Variants in RAB38 observed in about 807,000 individuals in gnomAD.
RAB38 encodes the protein ras-related protein Rab-38.
In RAB38, 15 loss-of-function variants were observed where a neutral mutation model predicts 18.4. The observed-to-expected ratio is 0.82, with a 90% CI of 0.55 to 1.26. RAB38 has a LOEUF of 1.26. Ranked by LOEUF, RAB38 falls within the 50% of genes most tolerant of loss-of-function variation. The pLI, the probability that RAB38 is intolerant of heterozygous loss-of-function variation, is 0.00. For synonymous variants in RAB38, 101 were observed against 104.4 expected (o/e 0.97, Z 0.20); for missense variants, 294 against 267.4 (o/e 1.10, Z -0.69).
the RAB38 span, among the ~76,000 whole-genome samples, chr11:88,027,595 T>C: frequency 6.6e-6 from 1 of 152,222 alleles, no homozygotes; most frequent in Non-Finnish European, 1.5e-5. Context: ...GGGAGGGTCC[T>C]ACGCCCATGG....
the RAB38 span, among the ~76,000 whole-genome samples, chr11:87,863,593 A>G: frequency 1.3e-5 from 2 of 151,784 alleles, no homozygotes; most frequent in Non-Finnish European, 2.9e-5. Flanking sequence ...GATAGTGTAA[A>G]TAAGACAGTG....
chr11:87,904,763 A>G, the RAB38 span, among the ~76,000 whole-genome samples: 58 of 151,766 alleles, frequency 3.8e-4, 1 homozygote, highest in Admixed American at 3.8e-3. Flanking sequence ...TGACTTTTTA[A>G]TAACAGCCAT....
chr11:88,014,003 T>C, the RAB38 span, among the ~76,000 whole-genome samples: 2 of 152,086 alleles, frequency 1.3e-5, no homozygotes, highest in Non-Finnish European at 2.9e-5. Flanking sequence ...ACCGTAGCAG[T>C]AGCTATTATT....
chr11:87,853,135 G>T, the RAB38 span, among the ~76,000 whole-genome samples: 5 of 152,156 alleles, frequency 3.3e-5, no homozygotes, highest in African/African-American at 4.8e-5. Context: ...GGTCAGCGAC[G>T]TCTGGAAAGG....
At chr11:87,876,457 T>C in the RAB38 span, among the ~76,000 whole-genome samples, 47 of 151,712 alleles carry the variant, frequency 3.1e-4, no homozygotes, top group Admixed American at 7.2e-4. Flanking sequence ...TCTAGTTCTG[T>C]CTTGGCTTCT....
At chr11:87,893,299 T>G in the RAB38 span, among the ~76,000 whole-genome samples, 1 of 144,700 alleles carries the variant, frequency 6.9e-6, no homozygotes, top group Non-Finnish European at 1.5e-5. Flanking sequence ...TGTGTGTGTG[T>G]GTGTATATAT....
the RAB38 span, among the ~76,000 whole-genome samples, chr11:87,940,715 C>T: frequency 6.6e-6 from 1 of 152,080 alleles, no homozygotes; most frequent in Non-Finnish European, 1.5e-5. Flanking sequence ...GAAATCTTGG[C>T]TCACTGAAAC....
chr11:88,174,216 G>C, intron 1 of RAB38: 1 of 462,772 alleles, frequency 2.2e-6, no homozygotes, highest in Non-Finnish European at 2.8e-6. Context: ...AGGTTAGTTA[G>C]TGGCAGGGCT....
chr11:87,949,769 T>A, the RAB38 span, among the ~76,000 whole-genome samples: 1 of 152,180 alleles, frequency 6.6e-6, no homozygotes, highest in African/African-American at 2.4e-5. Flanking sequence ...TTGTTATAAT[T>A]TTTGTTCTTT....
the RAB38 span, among the ~76,000 whole-genome samples, chr11:87,873,184 A>G: frequency 6.6e-6 from 1 of 151,512 alleles, no homozygotes; most frequent in African/African-American, 2.4e-5. Context: ...TCAATTTGCA[A>G]TCCCTTAGTA....
chr11:88,148,294 G>A (rs1943016809), intron 2 of RAB38, among the ~76,000 whole-genome samples: 1 of 152,194 alleles, frequency 6.6e-6, no homozygotes, highest in Non-Finnish European at 1.5e-5. Context: ...ATCCCACTGT[G>A]ACAGAAAAAG....
At chr11:88,057,705 A>G in the RAB38 span, among the ~76,000 whole-genome samples, 117,898 of 152,046 alleles carry the variant, frequency 0.78, 45,964 homozygotes, top group African/African-American at 0.85. Flanking sequence ...TTTAAAAACT[A>G]TGTTACAAAA....
chr11:88,170,045 T>G (rs2134857290), intron 1 of RAB38, among the ~76,000 whole-genome samples: 1 of 152,314 alleles, frequency 6.6e-6, no homozygotes, highest in Middle Eastern at 3.4e-3. Context: ...CTCAAATGCC[T>G]TAGCTTTCCT....
chr11:88,080,321 A>G, the RAB38 span, among the ~76,000 whole-genome samples: 2 of 152,052 alleles, frequency 1.3e-5, no homozygotes, highest in African/African-American at 4.8e-5. Flanking sequence ...GATAAATCCA[A>G]TAATAAATAT....
the RAB38 span, among the ~76,000 whole-genome samples, chr11:87,949,559 G>A: frequency 6.6e-6 from 1 of 152,080 alleles, no homozygotes; most frequent in East Asian, 1.9e-4. Flanking sequence ...ACACTGCTTT[G>A]AATGTGTCCC....
intron 2 of RAB38, among the ~76,000 whole-genome samples, chr11:88,138,834 G>A (rs2134808278): frequency 6.6e-6 from 1 of 150,782 alleles, no homozygotes; most frequent in East Asian, 1.9e-4. Flanking sequence ...CCAGGCTGGA[G>A]TGCAATGGCG....
At chr11:88,008,346 C>T in the RAB38 span, among the ~76,000 whole-genome samples, 2 of 151,628 alleles carry the variant, frequency 1.3e-5, no homozygotes, top group African/African-American at 2.4e-5. Context: ...GTATTAATTC[C>T]GAGAGGGGAA....
intron 2 of RAB38, among the ~76,000 whole-genome samples, chr11:88,135,615 C>T (rs532825858): frequency 1.9e-3 from 296 of 152,286 alleles, no homozygotes; most frequent in Middle Eastern, 6.8e-3. Context: ...TGATAGTTTG[C>T]ATTTACTGCT....
At chr11:87,911,530 G>C in the RAB38 span, among the ~76,000 whole-genome samples, 1 of 151,860 alleles carries the variant, frequency 6.6e-6, no homozygotes. Flanking sequence ...TGATGGTTCT[G>C]ATTCTTTATT....
Sources: gnomAD v4.1 joint callset for allele counts (sites outside exome capture counted in the v4.1 genomes callset) on GRCh38, gnomAD v4.1.1 for gene constraint, MANE v1.5 for transcripts, NCBI Gene and HGNC (gene_info 2026-07-23, HGNC 2026-07-21) for gene names.